Variants in SCIN observed in about 807,000 individuals in gnomAD.
The protein encoded by SCIN is scinderin.
Under a neutral mutation model 91.8 loss-of-function variants are expected in SCIN, and 91 were observed. That is an observed-to-expected ratio of 0.99 (90% confidence interval 0.84 to 1.18). The LOEUF (loss-of-function observed/expected upper bound fraction) is 1.18. SCIN is among the 50% of genes most tolerant of loss of function. The probability of loss-of-function intolerance (pLI) is 0.00; values close to 1 mark genes in which losing one functional copy is unlikely to be tolerated. For missense variants in SCIN, 1,087 were observed against 863.9 expected, an observed-to-expected ratio of 1.26 and a Z score of -3.24; for synonymous variants, 367 against 312.6, an observed-to-expected ratio of 1.17 and a Z score of -1.84.
rs1370989751 is a variant in SCIN, at chr7:12,651,930, A to G, written c.2020+29A>G. The G allele has an allele frequency of 1.3e-6, 2 of 1,503,914 alleles. No homozygotes were observed. The highest frequency in any genetic ancestry group is 1.4e-5 in the African/African-American group (1 of 72,598). 93.2% of individuals were successfully genotyped at this position (1,503,914 alleles called of 1,614,324 possible). On this transcript the variant is annotated intron_variant, in intron 15 of 15. Transcript: ENST00000297029. This position sits in a 1 kb window ranked among gnomAD's most constrained non-coding sequence, Gnocchi z 5.9. ...AGCTCAATCGATGGACCATTATAGC[A>G]GTAACCGGGCACCATTATGACCGAG... is the stretch of plus-strand genomic sequence containing the variant.
In SCIN at chr7:12,622,825, C is replaced by T. The variant is rs760855325; in HGVS notation, c.691C>T (p.Pro231Ser). ...GGTCTTAGGGGAAAAGCCAGAGCTTCCAGATGGAGGTGATGATGATGACAT... is the reference window on the plus strand; with the variant it reads ...GGTCTTAGGGGAAAAGCCAGAGCTTTCAGATGGAGGTGATGATGATGACAT... ...IKVLGEKPEL[P>S]DGGDDDDIIA... is the part of the protein sequence containing the mutation. Residue 231 changes from proline (P) to serine (S), a missense_variant, in exon 5 of 16, where the codon CCA becomes TCA. Physicochemically the swap from Pro to Ser is moderately conservative, Grantham distance 74. Coordinates refer to ENST00000297029, the MANE Select transcript of SCIN (RefSeq NM_001112706.3). The T allele has an allele frequency of 1.2e-6, 2 of 1,612,834 alleles. No individual in the cohort carries two copies. The highest frequency in any genetic ancestry group is 1.7e-6 in the Non-Finnish European group (2 of 1,179,254).
At chr7:12,581,320 C>A in intron 3 of SCIN, 99 bp downstream of exon 3, 2 of 1,255,174 alleles carry the variant, frequency 1.6e-6, no homozygotes, top group Non-Finnish European at 2.2e-6. Flanking sequence ...TTTTTCTACA[C>A]ACCAGAAAGG....
At chr7:12,630,034 G>A (rs1190499970) in intron 9 of SCIN, among the ~76,000 whole-genome samples, 3 of 151,998 alleles carry the variant, frequency 2.0e-5, no homozygotes, top group Admixed American at 6.6e-5. Flanking sequence ...CAGGGCAGAC[G>A]CCTACCTTTG....
rs1784167275 is a variant in SCIN at position 12,656,684 on chromosome 7, A to T, written c.*3969A>T. On this transcript the variant is annotated 3_prime_UTR_variant, in exon 16 of 16. Coordinates refer to ENST00000297029, the MANE Select transcript of SCIN (RefSeq NM_001112706.3). ...GACGCCTGTAATCCCAGCACTTTGA[A>T]AGGCCAAGGCGGTTGGATCACGAGG... 1 of 152,150 alleles carries T rather than the reference A, an allele frequency of 6.6e-6. No individual in the cohort carries two copies. Among genetic ancestry groups the T allele is most frequent in the African/African-American group, 2.4e-5 (1 of 41,436 alleles). The allele number at this position is 152,150 out of a possible 1,614,324, so 9.4% of individuals were successfully genotyped here. A position where few individuals can be genotyped will look rare whatever the true frequency, so the allele number is the denominator to read the frequency against.
chr7:12,621,637 G>GTTTTTTTTTTTTTTTTTTTTTT (rs60697843), intron 4 of SCIN, among the ~76,000 whole-genome samples: 3 of 106,394 alleles, frequency 2.8e-5, no homozygotes, highest in African/African-American at 7.2e-5. Flanking sequence ...AAGTGTTTTA[G>GTTTTTTTTTTTTTTTTTTTTTT]TTTTTTTTTT....
intron 3 of SCIN, among the ~76,000 whole-genome samples, chr7:12,594,562 G>T (rs1203875534): frequency 6.6e-6 from 1 of 152,140 alleles, no homozygotes. Flanking sequence ...ATGCAGTATT[G>T]CAGTAAAAGA....
rs1422381150 is a variant in SCIN, at chr7:12,600,307, T to A, written c.517-4207T>A. Among the ~76,000 whole-genome samples the A allele has an allele frequency of 9.9e-5, 15 of 152,090 alleles. 1 individual carries two copies. Among genetic ancestry groups the A allele is most frequent in the Admixed American group, 9.8e-4 (15 of 15,274 alleles). On this transcript the variant is annotated intron_variant, in intron 3 of 15. Coordinates refer to ENST00000297029, the MANE Select transcript of SCIN (RefSeq NM_001112706.3). ...ATATGTGGGAGCTAAGATATAAGAA[T>A]GCAAAGGCATAAGAATAATACATTG...
intron 2 of SCIN, 78 bp downstream of exon 2, chr7:12,578,296 C>G (rs1384107308): frequency 2.1e-5 from 28 of 1,334,302 alleles, no homozygotes; most frequent in Non-Finnish European, 2.6e-5. Flanking sequence ...CATAGAATGA[C>G]AGTTCGTTGA....
intron 4 of SCIN, among the ~76,000 whole-genome samples, chr7:12,607,266 A>C (rs2115253350): frequency 6.6e-6 from 1 of 152,170 alleles, no homozygotes; most frequent in South Asian, 2.1e-4. Context: ...CTATCCTTCT[A>C]CCTTACCTCT....
chr7:12,631,444 C>G (rs1327734853), intron 9 of SCIN, among the ~76,000 whole-genome samples: 1 of 151,980 alleles, frequency 6.6e-6, no homozygotes, highest in Non-Finnish European at 1.5e-5. Flanking sequence ...ATATTTGTAC[C>G]CTCTAGAACT....
At position 12,626,806 on chromosome 7, in the gene SCIN, A is replaced by ACCTGTTT. The variant is rs1384189247; in HGVS notation, c.1197+8_1197+14dup. 1 of 1,597,514 alleles carries ACCTGTTT rather than the reference A, an allele frequency of 6.3e-7. No individual in the cohort carries two copies. The highest frequency in any genetic ancestry group is 2.3e-5 in the East Asian group (1 of 44,218). The stretch of plus-strand genomic sequence containing the variant: ...TGGTTCTGGCAAAGTGGAGGTATTT[A>ACCTGTTT]CCTGTTTTTGTTTTTATCAAGCCCA... On this transcript the variant is annotated splice_region_variant and intron_variant, in intron 8 of 15. Transcript: ENST00000297029.
At chr7:12,610,444 A>G (rs1012304286) in intron 4 of SCIN, among the ~76,000 whole-genome samples, 2 of 152,330 alleles carry the variant, frequency 1.3e-5, no homozygotes, top group African/African-American at 4.8e-5. Flanking sequence ...TATGTTATCA[A>G]TGCTAAGTTC....
rs757758406 is a variant in SCIN at position 12,591,560 on chromosome 7, T to C, written c.516+10339T>C. Among the ~76,000 whole-genome samples the C allele has an allele frequency of 5.3e-5, 8 of 152,192 alleles. No individual in the cohort carries two copies. The East Asian group carries it at 1.2e-3, about 22-fold the overall frequency. On this transcript the variant is annotated intron_variant, in intron 3 of 15. Coordinates refer to ENST00000297029, the MANE Select transcript of SCIN (RefSeq NM_001112706.3). ...ATAGAGAGTGAAAGGTTGGGAGATATCAGGTAAGGACGGAGCTGACGCAGT... is the reference window on the plus strand; with the variant it reads ...ATAGAGAGTGAAAGGTTGGGAGATACCAGGTAAGGACGGAGCTGACGCAGT...
chr7:12,641,066 A>T (rs1049222668), intron 11 of SCIN, among the ~76,000 whole-genome samples: 1 of 152,128 alleles, frequency 6.6e-6, no homozygotes, highest in Non-Finnish European at 1.5e-5. Flanking sequence ...AGGTTTTTAA[A>T]TGGCTAAGTG....
intron 13 of SCIN, among the ~76,000 whole-genome samples, chr7:12,645,018 T>TA (rs35352647): frequency 0.61 from 57,087 of 93,660 alleles, 18,093 homozygotes; most frequent in Non-Finnish European, 0.69. Flanking sequence ...AAAACTCCGT[T>TA]AAAAAAAAAA....
chr7:12,634,929 T>G (rs915038162), intron 9 of SCIN, among the ~76,000 whole-genome samples: 2 of 151,992 alleles, frequency 1.3e-5, no homozygotes, highest in Non-Finnish European at 2.9e-5. Context: ...CCTCACCCCT[T>G]TAATCCTAGC....
intron 3 of SCIN, 112 bp downstream of exon 3, chr7:12,581,333 C>T: frequency 9.4e-7 from 1 of 1,067,516 alleles, no homozygotes; most frequent in South Asian, 1.7e-5. Flanking sequence ...CAGAAAGGGG[C>T]CACGTTTATG....
intron 13 of SCIN, among the ~76,000 whole-genome samples, chr7:12,648,846 G>T (rs6950261): frequency 6.6e-6 from 1 of 152,162 alleles, no homozygotes; most frequent in Non-Finnish European, 1.5e-5. Flanking sequence ...AAGGCTTGAG[G>T]ATAGCCACCC....
chr7:12,604,303 AT>A (rs1250737351), intron 3 of SCIN, among the ~76,000 whole-genome samples: 1 of 152,100 alleles, frequency 6.6e-6, no homozygotes, highest in African/African-American at 2.4e-5. Flanking sequence ...GGTGATATAT[AT>A]ATTTATATTT....
Sources: allele counts gnomAD v4.1 joint callset (sites outside exome capture counted in the v4.1 genomes callset), GRCh38; gene constraint gnomAD v4.1.1; non-coding constraint Gnocchi (gnomAD v3.1); transcripts MANE v1.5; gene names NCBI Gene and HGNC (gene_info 2026-07-23, HGNC 2026-07-21).